The following OPCML variants were observed in gnomAD, a reference collection of about 807,000 sequenced individuals.
The protein encoded by OPCML is opioid binding protein/cell adhesion molecule like.
Under a neutral mutation model 37.8 loss-of-function variants are expected in OPCML, and 13 were observed. The ratio of observed to expected loss-of-function variants is 0.34; its 90% confidence interval spans 0.22 to 0.55. The LOEUF (loss-of-function observed/expected upper bound fraction) is 0.55. Ranked by LOEUF, OPCML falls within the 20% of genes least tolerant of loss-of-function variation. OPCML has a pLI of 0.91. For synonymous variants in OPCML, 176 were observed against 168.8 expected (o/e 1.04, Z -0.33); for missense variants, 341 against 435.6 (o/e 0.78, Z 1.93).
At chr11:132,951,662 G>A (rs1007653643) in intron 1 of OPCML, among the ~76,000 whole-genome samples, 2 of 152,158 alleles carry the variant, frequency 1.3e-5, no homozygotes, top group African/African-American at 4.8e-5. Flanking sequence ...TACAGAAAGA[G>A]GCCTAATTCC....
chr11:132,602,957 C>G (rs1938024549), intron 3 of OPCML, among the ~76,000 whole-genome samples: 1 of 152,208 alleles, frequency 6.6e-6, no homozygotes, highest in South Asian at 2.1e-4. Context: ...CTGCTTAATC[C>G]AGTTCTCTTT....
intron 1 of OPCML, among the ~76,000 whole-genome samples, chr11:133,304,497 T>C (rs777687561): frequency 3.9e-5 from 6 of 152,204 alleles, no homozygotes; most frequent in Non-Finnish European, 7.4e-5. Flanking sequence ...GGATGCAATT[T>C]CAGCTCCACA....
intron 1 of OPCML, among the ~76,000 whole-genome samples, chr11:133,190,376 T>C (rs510960): frequency 0.17 from 26,474 of 152,170 alleles, 2,678 homozygotes; most frequent in Non-Finnish European, 0.21. Context: ...GTAATCTCTT[T>C]GAATGACCAT....
intron 1 of OPCML, among the ~76,000 whole-genome samples, chr11:133,048,913 G>C (rs900749731): frequency 6.6e-6 from 1 of 152,184 alleles, no homozygotes; most frequent in Non-Finnish European, 1.5e-5. Flanking sequence ...AATTCAGTCA[G>C]TTTGAAAGTC....
intron 1 of OPCML, among the ~76,000 whole-genome samples, chr11:133,109,400 T>C (rs1949216968): frequency 6.6e-6 from 1 of 152,090 alleles, no homozygotes; most frequent in African/African-American, 2.4e-5. Context: ...CCATGTTCTG[T>C]TTTTGTCCTA....
chr11:132,956,058 C>A (rs1226478755), intron 1 of OPCML, among the ~76,000 whole-genome samples: 1 of 152,150 alleles, frequency 6.6e-6, no homozygotes, highest in Admixed American at 6.5e-5. Context: ...TCACAGATAT[C>A]ATAGCTATTC....
chr11:133,532,082 C>T (rs1308604704), intron 1 of OPCML, 182 bp downstream of exon 1: 2 of 577,824 alleles, frequency 3.5e-6, no homozygotes, highest in Non-Finnish European at 4.4e-6. Context: ...CATCTGCGCG[C>T]GTGTGAGCGA....
intron 2 of OPCML, among the ~76,000 whole-genome samples, chr11:132,827,057 T>C (rs982062226): frequency 6.6e-6 from 1 of 152,210 alleles, no homozygotes; most frequent in African/African-American, 2.4e-5. Context: ...TCTTGTTCCA[T>C]GGTTGTTTCT....
intron 2 of OPCML, among the ~76,000 whole-genome samples, chr11:132,710,674 T>A (rs762319812): frequency 1.1e-4 from 15 of 130,998 alleles, no homozygotes; most frequent in Non-Finnish European, 2.4e-4. Context: ...CCAACATGTA[T>A]CTACTAAAAA....
chr11:132,627,260 C>T (rs968863150), intron 3 of OPCML, among the ~76,000 whole-genome samples: 3 of 152,092 alleles, frequency 2.0e-5, no homozygotes, highest in African/African-American at 7.2e-5. Flanking sequence ...ATTCACTAAC[C>T]TGTAGGTGAA....
chr11:132,728,628 T>G (rs2136002139), intron 2 of OPCML, among the ~76,000 whole-genome samples: 1 of 152,290 alleles, frequency 6.6e-6, no homozygotes, highest in African/African-American at 2.4e-5. Context: ...GTATAACTTG[T>G]TCCTGCTGTA....
At chr11:132,579,421 AG>A in intron 3 of OPCML, among the ~76,000 whole-genome samples, 1 of 135,326 alleles carries the variant, frequency 7.4e-6, no homozygotes, top group Non-Finnish European at 1.6e-5. Context: ...GTGTGTGATG[AG>A]GGAGGCTGGG....
At chr11:133,490,012 A>G (rs1947621289) in intron 1 of OPCML, among the ~76,000 whole-genome samples, 1 of 152,228 alleles carries the variant, frequency 6.6e-6, no homozygotes, top group African/African-American at 2.4e-5. Context: ...GGAGACCATT[A>G]TCGTAAATAA....
At chr11:132,546,803 G>A (rs559066298) in intron 3 of OPCML, among the ~76,000 whole-genome samples, 8 of 152,254 alleles carry the variant, frequency 5.3e-5, no homozygotes, top group East Asian at 3.9e-4. Flanking sequence ...GCACAGTGCC[G>A]GGGGTGGTGG....
At chr11:132,545,034 T>A (rs931102543) in intron 3 of OPCML, among the ~76,000 whole-genome samples, 2 of 152,234 alleles carry the variant, frequency 1.3e-5, no homozygotes, top group African/African-American at 4.8e-5. Flanking sequence ...ATAATACTTT[T>A]AATTGTTTCA....
At chr11:133,325,107 G>A (rs940933702) in intron 1 of OPCML, among the ~76,000 whole-genome samples, 18 of 152,232 alleles carry the variant, frequency 1.2e-4, no homozygotes, top group Non-Finnish European at 2.1e-4. Flanking sequence ...GTCCTTGGCA[G>A]TGGTGAAGGG....
chr11:133,422,653 G>C, intron 1 of OPCML: 1 of 981,520 alleles, frequency 1.0e-6, no homozygotes, highest in African/African-American at 1.8e-5. Flanking sequence ...CACTGAGCCC[G>C]GCCACTAATT....
chr11:132,575,250 T>C (rs1264819286), intron 3 of OPCML, among the ~76,000 whole-genome samples: 1 of 152,066 alleles, frequency 6.6e-6, no homozygotes, highest in Admixed American at 6.5e-5. Context: ...TTAAGCTAAG[T>C]ATTGATAGTG....
chr11:132,701,132 G>A (rs1943796304), intron 2 of OPCML, among the ~76,000 whole-genome samples: 1 of 152,216 alleles, frequency 6.6e-6, no homozygotes, highest in Non-Finnish European at 1.5e-5. Flanking sequence ...TGGACTCATA[G>A]TTCAGCATAG....
Sources: gnomAD v4.1 joint callset for allele counts (sites outside exome capture counted in the v4.1 genomes callset) on GRCh38, gnomAD v4.1.1 for gene constraint, MANE v1.5 for transcripts, NCBI Gene and HGNC (gene_info 2026-07-23, HGNC 2026-07-21) for gene names.